The following EML4 variants were observed in gnomAD, a reference collection of about 807,000 sequenced individuals.
EML4 encodes the protein echinoderm microtubule-associated protein-like 4.
In EML4, 72 loss-of-function variants were observed where a neutral mutation model predicts 129.0. That is an observed-to-expected ratio of 0.56 (90% CI 0.46 to 0.68). EML4 has a LOEUF of 0.68. EML4 is among the 30% of genes least tolerant of loss of function. The pLI is 0.00. For missense variants in EML4, 1,363 were observed against 1,190.6 expected, an observed-to-expected ratio of 1.14 and a Z score of -2.13; for synonymous variants, 532 against 405.0, an observed-to-expected ratio of 1.31 and a Z score of -3.77.
chr2:42,321,077 C>T (rs760116677), intron 19 of EML4, among the ~76,000 whole-genome samples: 21 of 151,926 alleles, frequency 1.4e-4, no homozygotes, highest in Admixed American at 2.6e-4. Context: ...ATCACTGTGA[C>T]GGTTAAGAAT....
Position 42,245,369 on chromosome 2 carries a change from TACAGGC to T in EML4, c.26-133_26-128del, listed in dbSNP as rs1034793684. ...TCTTGGCCCCTCAAAGTTCTGGAAG[TACAGGC>T]ACGAGCCACTTCACCTAGCCAGAAT... On this transcript the variant is annotated intron_variant, in intron 1 of 22. Transcript: ENST00000318522. The T allele has an allele frequency of 4.0e-6, 3 of 753,762 alleles. No individual in the cohort carries two copies. In the African/African-American group the frequency reaches 5.3e-5, roughly 13 times the overall value. 46.7% of individuals were successfully genotyped at this position (753,762 alleles called of 1,614,324 possible). A position where few individuals can be genotyped will look rare whatever the true frequency, so the allele number is the denominator to read the frequency against.
At chr2:42,263,398 CTTTTTTTTTTTTT>C (rs67401314) in intron 5 of EML4, 92 bp downstream of exon 5, 1 of 234,584 alleles carries the variant, frequency 4.3e-6, no homozygotes, top group Non-Finnish European at 7.0e-6. Context: ...TGGTTTGAAT[CTTTTTTTTTTTTT>C]TTTTTTTTTT....
intron 19 of EML4, 170 bp from the exon 20 acceptor site, chr2:42,325,297 A>G: frequency 1.6e-6 from 1 of 634,802 alleles, no homozygotes; most frequent in Non-Finnish European, 3.0e-6. Flanking sequence ...CCAGGTTTCA[A>G]GTGCTGAGGA....
intron 1 of EML4, among the ~76,000 whole-genome samples, chr2:42,201,814 G>A (rs1040254000): frequency 3.3e-5 from 5 of 151,774 alleles, no homozygotes; most frequent in Admixed American, 3.3e-4. Context: ...GGGCATGGTG[G>A]CTCAGGCCTG....
intron 1 of EML4, among the ~76,000 whole-genome samples, chr2:42,237,024 AC>A (rs1190696750): frequency 6.6e-6 from 1 of 151,940 alleles, no homozygotes; most frequent in Non-Finnish European, 1.5e-5. Flanking sequence ...TGTAGTCTCA[AC>A]CTCCCTGGTC....
intron 17 of EML4, among the ~76,000 whole-genome samples, chr2:42,308,032 A>G (rs1668712974): frequency 6.6e-6 from 1 of 152,280 alleles, no homozygotes; most frequent in South Asian, 2.1e-4. Flanking sequence ...AAAAAAAAGT[A>G]ATGATGTCTT....
At chr2:42,305,772 G>A (rs10171643) in intron 17 of EML4, among the ~76,000 whole-genome samples, 18,954 of 152,126 alleles carry the variant, frequency 0.12, 1,197 homozygotes, top group East Asian at 0.18. Context: ...GATTTTTAAT[G>A]GGGTGAGACT....
intron 5 of EML4, among the ~76,000 whole-genome samples, chr2:42,264,103 G>GTTTTTTTTTTTTTTTTTTTTTTT (rs9309080): frequency 3.0e-5 from 3 of 100,748 alleles, no homozygotes; most frequent in Non-Finnish European, 2.0e-5. Flanking sequence ...AACAATACGT[G>GTTTTTTTTTTTTTTTTTTTTTTT]TTTTTTTTTT....
intron 6 of EML4, among the ~76,000 whole-genome samples, chr2:42,267,830 G>C (rs1377340367): frequency 6.6e-6 from 1 of 152,116 alleles, no homozygotes; most frequent in Non-Finnish European, 1.5e-5. Flanking sequence ...AGTTCTGCTG[G>C]GTTGTGCTCC....
At chr2:42,212,592 A>AT (rs1672947187) in intron 1 of EML4, among the ~76,000 whole-genome samples, 3 of 152,196 alleles carry the variant, frequency 2.0e-5, no homozygotes, top group Admixed American at 6.5e-5. Flanking sequence ...TTCTTTCTTA[A>AT]TTTCTTTTAA....
At chr2:42,279,739 G>T (rs1215488872) in intron 6 of EML4, among the ~76,000 whole-genome samples, 13 of 151,750 alleles carry the variant, frequency 8.6e-5, no homozygotes, top group African/African-American at 3.1e-4. Context: ...CTCCCAAAGT[G>T]CTGGAATTAC....
intron 19 of EML4, among the ~76,000 whole-genome samples, chr2:42,323,984 G>A (rs1669659012): frequency 6.7e-6 from 1 of 148,654 alleles, no homozygotes; most frequent in Non-Finnish European, 1.5e-5. Flanking sequence ...AGTCTTAGAG[G>A]AAGAAAAGAA....
At chr2:42,241,783 C>T (rs924165760) in intron 1 of EML4, among the ~76,000 whole-genome samples, 1 of 151,362 alleles carries the variant, frequency 6.6e-6, no homozygotes, top group South Asian at 2.1e-4. Flanking sequence ...GTCTGAGATA[C>T]CTAGATTAGT....
chr2:42,261,342 C>A (rs757004510), intron 4 of EML4, 48 bp downstream of exon 4: 3 of 1,453,626 alleles, frequency 2.1e-6, no homozygotes, highest in African/African-American at 1.4e-5. Flanking sequence ...TGTAATGATA[C>A]CTAAATTCTG....
chr2:42,215,207 A>T (rs571428012), intron 1 of EML4, among the ~76,000 whole-genome samples: 1 of 152,244 alleles, frequency 6.6e-6, no homozygotes, highest in Admixed American at 6.5e-5. Flanking sequence ...CTACCGATGC[A>T]CACCACCACG....
At chr2:42,181,885 T>G (rs916452205) in intron 1 of EML4, among the ~76,000 whole-genome samples, 1 of 152,220 alleles carries the variant, frequency 6.6e-6, no homozygotes, top group Non-Finnish European at 1.5e-5. Flanking sequence ...TTGTGTTCAG[T>G]GCTGCTGGAG....
At chr2:42,226,067 A>C (rs1423140397) in intron 1 of EML4, among the ~76,000 whole-genome samples, 1 of 151,970 alleles carries the variant, frequency 6.6e-6, no homozygotes, top group Non-Finnish European at 1.5e-5. Context: ...CCTTTATGGT[A>C]AAATAATGTA....
chr2:42,182,461 C>G (rs925972935), intron 1 of EML4, among the ~76,000 whole-genome samples: 1 of 152,006 alleles, frequency 6.6e-6, no homozygotes, highest in Admixed American at 6.5e-5. Context: ...GTTGTTGATA[C>G]CCTGCACTAA....
At chr2:42,277,300 A>C (rs945119833) in intron 6 of EML4, among the ~76,000 whole-genome samples, 3 of 152,228 alleles carry the variant, frequency 2.0e-5, no homozygotes, top group Non-Finnish European at 4.4e-5. Context: ...TAAACTATAC[A>C]AATAAGGACA....
Sources: allele counts gnomAD v4.1 joint callset (sites outside exome capture counted in the v4.1 genomes callset), GRCh38; gene constraint gnomAD v4.1.1; transcripts MANE v1.5; gene names NCBI Gene and HGNC (gene_info 2026-07-23, HGNC 2026-07-21).